SCFD2: variants seen among roughly 807,000 people sequenced by gnomAD.
SCFD2 encodes the protein sec1 family domain-containing protein 2.
In SCFD2, 54 loss-of-function variants were observed where a neutral mutation model predicts 58.9. That is an observed-to-expected ratio of 0.92 (90% CI 0.74 to 1.15). The LOEUF is 1.15. SCFD2 is among the 50% of genes most tolerant of loss of function. The pLI is 0.00. For synonymous variants in SCFD2, 321 were observed against 335.9 expected (o/e 0.96, Z 0.49); for missense variants, 805 against 836.6 (o/e 0.96, Z 0.47).
intron 5 of SCFD2, among the ~76,000 whole-genome samples, chr4:53,058,454 T>G (rs765526126): frequency 7.2e-5 from 11 of 152,136 alleles, no homozygotes; most frequent in Non-Finnish European, 1.6e-4. Flanking sequence ...TTTAAGTATA[T>G]GCAGAATTTT....
intron 6 of SCFD2, among the ~76,000 whole-genome samples, chr4:52,916,767 C>G (rs775288018): frequency 3.6e-4 from 55 of 152,102 alleles, no homozygotes; most frequent in Non-Finnish European, 2.9e-4. Flanking sequence ...TAGCCCATGT[C>G]CTAACAAAGG....
intron 5 of SCFD2, among the ~76,000 whole-genome samples, chr4:53,130,230 T>C (rs1725748321): frequency 6.6e-6 from 1 of 152,222 alleles, no homozygotes; most frequent in South Asian, 2.1e-4. Flanking sequence ...AGAGATGTTT[T>C]TAAGACACTG....
At position 53,082,314 on chromosome 4, in the gene SCFD2, T is replaced by C. The variant is rs149205786; in HGVS notation, c.1561+63019A>G. 2.5e-3 allele frequency among the ~76,000 whole-genome samples: 385 copies of C among 152,306 alleles called. 3 individuals are homozygous for C. Among genetic ancestry groups the C allele is most frequent in the South Asian group, 0.011 (53 of 4,828 alleles). On this transcript the variant is annotated intron_variant, in intron 5 of 8. Transcript: ENST00000401642. ...CTATTTTATATTCCTATCAGCAATG[T>C]ATGAAGGTTACAATTTTCCCAAATC...
rs552197733 is a variant in SCFD2 at position 53,315,943 on chromosome 4, C to A, written c.1008-2180G>T. 2.6e-5 allele frequency among the ~76,000 whole-genome samples: 4 copies of A among 152,198 alleles called. No individual in the cohort carries two copies. The East Asian group carries it at 7.7e-4, about 29-fold the overall frequency. ...AGTCAGATAAATCTGGGTTCGAACT[C>A]CAACCATGCTCCTCCTCACCCACTC... On this transcript the variant is annotated intron_variant, in intron 2 of 8. Transcript: ENST00000401642.
intron 4 of SCFD2, among the ~76,000 whole-genome samples, chr4:53,224,116 C>T (rs184607595): frequency 8.9e-4 from 136 of 152,170 alleles, no homozygotes; most frequent in African/African-American, 3.1e-3. Context: ...TTTGGCTGGG[C>T]GCAGTGATTC....
intron 4 of SCFD2, among the ~76,000 whole-genome samples, chr4:53,191,929 T>C (rs115059593): frequency 0.023 from 3,519 of 152,152 alleles, 63 homozygotes; most frequent in Non-Finnish European, 0.034. Context: ...TCTAGGTAAA[T>C]GGAAAGATAA....
chr4:53,095,145 T>C (rs1002567181), intron 5 of SCFD2, among the ~76,000 whole-genome samples: 5 of 152,206 alleles, frequency 3.3e-5, no homozygotes, highest in African/African-American at 4.8e-5. Context: ...CCCTTAGTGA[T>C]ATCATTGTCT....
At chr4:53,279,306 G>C (rs1560425931) in intron 3 of SCFD2, among the ~76,000 whole-genome samples, 2 of 151,966 alleles carry the variant, frequency 1.3e-5, no homozygotes, top group South Asian at 4.1e-4. Context: ...TTTCTTTGTA[G>C]AGACAAGGTC....
chr4:53,223,443 G>T (rs1243701748), intron 4 of SCFD2, among the ~76,000 whole-genome samples: 1 of 152,152 alleles, frequency 6.6e-6, no homozygotes, highest in Non-Finnish European at 1.5e-5. Context: ...TCCCCTCCAG[G>T]TGTCAGCCCT....
intron 4 of SCFD2, among the ~76,000 whole-genome samples, chr4:53,193,132 T>C (rs1727961906): frequency 6.6e-6 from 1 of 152,274 alleles, no homozygotes; most frequent in East Asian, 1.9e-4. Flanking sequence ...CAAATAAAGT[T>C]TTCAGGAATA....
intron 5 of SCFD2, among the ~76,000 whole-genome samples, chr4:53,068,466 G>C (rs17082376): frequency 1.3e-4 from 19 of 151,978 alleles, no homozygotes; most frequent in Admixed American, 4.6e-4. Context: ...AGATAGAGAG[G>C]AAAATTCAGA....
At chr4:53,215,825 T>A (rs1728806958) in intron 4 of SCFD2, among the ~76,000 whole-genome samples, 3 of 152,262 alleles carry the variant, frequency 2.0e-5, no homozygotes, top group Admixed American at 2.0e-4. Context: ...GTCCCATCAA[T>A]ACTTAATTTA....
intron 5 of SCFD2, among the ~76,000 whole-genome samples, chr4:53,047,593 T>G (rs1443574022): frequency 6.6e-6 from 1 of 152,216 alleles, no homozygotes; most frequent in African/African-American, 2.4e-5. Flanking sequence ...CACACACATG[T>G]ACACACATAC....
chr4:53,132,005 T>G (rs1293720408), intron 5 of SCFD2, among the ~76,000 whole-genome samples: 4 of 152,230 alleles, frequency 2.6e-5, no homozygotes, highest in Admixed American at 1.3e-4. Context: ...TGTACACATA[T>G]AAATATTAGT....
chr4:53,249,999 G>C (rs1054446570), intron 4 of SCFD2, among the ~76,000 whole-genome samples: 1 of 152,192 alleles, frequency 6.6e-6, no homozygotes, highest in African/African-American at 2.4e-5. Flanking sequence ...AAAAGACACA[G>C]ACTGGCAAAT....
chr4:52,880,654 A>C (rs1364261609), intron 8 of SCFD2, among the ~76,000 whole-genome samples: 1 of 152,020 alleles, frequency 6.6e-6, no homozygotes, highest in Non-Finnish European at 1.5e-5. Context: ...AAGAAAAAAA[A>C]GTATTGAACT....
intron 8 of SCFD2, among the ~76,000 whole-genome samples, chr4:52,878,374 G>A (rs956329251): frequency 2.0e-5 from 3 of 152,256 alleles, no homozygotes; most frequent in African/African-American, 4.8e-5. Flanking sequence ...CTCTCCATTC[G>A]ATGAAAAACC....
rs774021098 is a variant in SCFD2 at position 53,365,752 on chromosome 4, T to C, written c.190A>G (p.Ile64Val). ...TTGGGCTGCTTGGCTCCACCACCAA[T>C]TGCGTCGGGCTCGAACTCTCGCAGG... ...CHLREFEPDAIGGGAKQPKAV... is the reference protein window; with the variant it reads ...CHLREFEPDAVGGGAKQPKAV... The change falls in exon 1 of 9, where the codon ATT (isoleucine) becomes GTT (valine). Residue 64 changes from isoleucine to valine, a missense_variant. Physicochemically the swap from Ile to Val is conservative, Grantham distance 29 (BLOSUM62 3). This residue lies in a region of SCFD2 where 155 missense variants were observed against 149.7 expected (regional missense o/e 1.04). Transcript: ENST00000401642. The surrounding 1 kb of genome is among the most constrained non-coding windows in gnomAD (Gnocchi z 4.3). The C allele has an allele frequency of 1.2e-6, 2 of 1,613,832 alleles. No individual in the cohort carries two copies. The highest frequency in any genetic ancestry group is 1.7e-6 in the Non-Finnish European group (2 of 1,179,876).
At chr4:53,061,453 G>A (rs1723507759) in intron 5 of SCFD2, among the ~76,000 whole-genome samples, 2 of 152,092 alleles carry the variant, frequency 1.3e-5, no homozygotes, top group Non-Finnish European at 2.9e-5. Context: ...TAAATCATAT[G>A]GACCACCATG....
Sources: gnomAD v4.1 joint callset for allele counts (sites outside exome capture counted in the v4.1 genomes callset) on GRCh38, gnomAD v4.1.1 for gene constraint, gnomAD v4.1.1 regional missense constraint, Gnocchi (gnomAD v3.1) non-coding constraint, MANE v1.5 for transcripts, NCBI Gene and HGNC (gene_info 2026-07-23, HGNC 2026-07-21) for gene names.